Variants in CDC73 observed in about 807,000 individuals in gnomAD.
CDC73 encodes parafibromin.
CDC73 carries 21 observed loss-of-function variants against 83.7 expected under a neutral mutation model. The observed-to-expected ratio is 0.25, with a 90% CI of 0.18 to 0.36. The LOEUF is 0.36. Among genes scored for constraint, CDC73 ranks in the 10% least tolerant of loss-of-function variants. The probability of loss-of-function intolerance (pLI) is 1.00; values close to 1 mark genes in which losing one functional copy is unlikely to be tolerated. For missense variants in CDC73, 342 were observed against 653.3 expected, an observed-to-expected ratio of 0.52 and a Z score of 5.19; for synonymous variants, 224 against 212.9, an observed-to-expected ratio of 1.05 and a Z score of -0.45.
chr1:193,137,861 G>A (rs549306400), intron 5 of CDC73, among the ~76,000 whole-genome samples: 32 of 152,258 alleles, frequency 2.1e-4, no homozygotes, highest in African/African-American at 7.7e-4. Context: ...AAGTAGCTAA[G>A]CAAGTTTTTC....
intron 13 of CDC73, among the ~76,000 whole-genome samples, 153 bp downstream of exon 13, chr1:193,212,630 A>G (rs1392463875): frequency 6.6e-6 from 1 of 152,200 alleles, no homozygotes; most frequent in African/African-American, 2.4e-5. Context: ...CATTTTCAAA[A>G]CAGAATATAT....
intron 10 of CDC73, among the ~76,000 whole-genome samples, chr1:193,171,493 C>T (rs1034066262): frequency 1.3e-5 from 2 of 152,136 alleles, no homozygotes; most frequent in Admixed American, 6.5e-5. Flanking sequence ...ACTGAGGTCC[C>T]TGATTGTTTG....
intron 11 of CDC73, among the ~76,000 whole-genome samples, chr1:193,209,147 A>G (rs72740234): frequency 0.019 from 2,841 of 152,348 alleles, 41 homozygotes; most frequent in Middle Eastern, 0.061. Context: ...ATGCTTGTAC[A>G]TAGGCTCCAA....
rs778475172 is a variant in CDC73, at chr1:193,212,350, CTAA to C, written c.1067-34_1067-32del. 3 of 1,194,628 alleles carry C rather than the reference CTAA, an allele frequency of 2.5e-6. No homozygotes were observed. In the South Asian group the frequency reaches 4.2e-5, roughly 17 times the overall value. 74.0% of individuals were successfully genotyped at this position (1,194,628 alleles called of 1,614,324 possible). ...TTAGTAGAGAAAGTAAGTATAATTT[CTAA>C]TAATATATTTTCTACCTGTAAATTT... On this transcript the variant is annotated intron_variant, in intron 12 of 16. Coordinates refer to ENST00000367435, the MANE Select transcript of CDC73 (RefSeq NM_024529.5).
chr1:193,238,061 T>A (rs1009889129), intron 15 of CDC73, among the ~76,000 whole-genome samples: 2 of 152,230 alleles, frequency 1.3e-5, no homozygotes, highest in Non-Finnish European at 2.9e-5. Flanking sequence ...CTTTAAGATA[T>A]AAATGTTGTA....
rs1572160228 is a variant in CDC73 at position 193,150,246 on chromosome 1, A to G, written c.829-58A>G. On this transcript the variant is annotated intron_variant, in intron 8 of 16. Transcript: ENST00000367435. ...TGGTCATGCTACTGCACTCCAGCACATTAAATAAGTGACATTTAAAAATAT... is the reference window on the plus strand; with the variant it reads ...TGGTCATGCTACTGCACTCCAGCACGTTAAATAAGTGACATTTAAAAATAT... 13 of 1,263,172 alleles carry G rather than the reference A, an allele frequency of 1.0e-5. No homozygotes were observed. The East Asian group carries it at 2.4e-4, about 23-fold the overall frequency. The allele number at this position is 1,263,172 out of a possible 1,614,324, so 78.2% of individuals were successfully genotyped here.
intron 10 of CDC73, among the ~76,000 whole-genome samples, chr1:193,156,252 A>G (rs778275754): frequency 3.9e-5 from 6 of 152,092 alleles, no homozygotes; most frequent in Admixed American, 2.0e-4. Context: ...CTTCATTTTA[A>G]CCTGTCTAGC....
chr1:193,243,357 C>G (rs903994973), intron 15 of CDC73, among the ~76,000 whole-genome samples: 3 of 152,116 alleles, frequency 2.0e-5, no homozygotes, highest in African/African-American at 7.2e-5. Context: ...TTGCTTCATG[C>G]GAATAAAGTA....
At chr1:193,130,527 T>C (rs542721524) in intron 3 of CDC73, among the ~76,000 whole-genome samples, 1 of 152,366 alleles carries the variant, frequency 6.6e-6, no homozygotes, top group South Asian at 2.1e-4. Context: ...TCTACTTTCT[T>C]CTGGATCATT....
chr1:193,172,440 A>G (rs1162553742), intron 10 of CDC73, among the ~76,000 whole-genome samples: 1 of 152,130 alleles, frequency 6.6e-6, no homozygotes, highest in Non-Finnish European at 1.5e-5. Context: ...TAAATAGATT[A>G]GGGAAGAAGA....
Position 193,183,943 on chromosome 1 carries a change from T to G in CDC73, c.973-19852T>G, listed in dbSNP as rs1299125617. ...TGGATGTTTGAGTTAAAGGACTGAG[T>G]AAATAAATGATGGAAAATAATCATA... On this transcript the variant is annotated intron_variant, in intron 10 of 16. Transcript: ENST00000367435. Among the ~76,000 whole-genome samples the G allele has an allele frequency of 1.3e-5, 2 of 151,872 alleles. 1 individual carries two copies. The highest frequency in any genetic ancestry group is 2.9e-5 in the Non-Finnish European group (2 of 67,798).
intron 15 of CDC73, among the ~76,000 whole-genome samples, chr1:193,243,711 A>T (rs1016147147): frequency 6.6e-6 from 1 of 152,172 alleles, no homozygotes; most frequent in African/African-American, 2.4e-5. Context: ...CATGAATACT[A>T]CTTTGAAAGT....
At chr1:193,128,947 C>G (rs912512679) in intron 2 of CDC73, among the ~76,000 whole-genome samples, 2 of 150,702 alleles carry the variant, frequency 1.3e-5, no homozygotes, top group Non-Finnish European at 2.9e-5. Flanking sequence ...TCGCCTCAGT[C>G]TCCTGAGTAG....
intron 10 of CDC73, among the ~76,000 whole-genome samples, chr1:193,162,293 AT>A (rs2103142539): frequency 7.9e-6 from 1 of 126,170 alleles, no homozygotes; most frequent in East Asian, 2.1e-4. Flanking sequence ...TATATGATAT[AT>A]TATATATACT....
intron 10 of CDC73, among the ~76,000 whole-genome samples, chr1:193,163,163 G>T (rs989519268): frequency 6.6e-6 from 1 of 151,032 alleles, no homozygotes; most frequent in African/African-American, 2.5e-5. Context: ...GTGTGTGTGT[G>T]TGTGTGTGTG....
rs1678078561 is a variant in CDC73 at position 193,253,592 on chromosome 1, T to G, written c.*2880T>G. Reference sequence around the variant, plus strand: ...CATTATTAACTAGTATTATAGTTTGTTTTTTTCCCATGTCTCCATAACTTT... The same window carrying G: ...CATTATTAACTAGTATTATAGTTTGGTTTTTTCCCATGTCTCCATAACTTT... On this transcript the variant is annotated 3_prime_UTR_variant, in exon 17 of 17. Coordinates refer to ENST00000367435, the MANE Select transcript of CDC73 (RefSeq NM_024529.5). 2 of 231,810 alleles carry G rather than the reference T, an allele frequency of 8.6e-6. No individual in the cohort carries two copies. Among genetic ancestry groups the G allele is most frequent in the Non-Finnish European group, 8.5e-6 (1 of 117,192 alleles). The allele number at this position is 231,810 out of a possible 1,614,324, so 14.4% of individuals were successfully genotyped here. A position where few individuals can be genotyped will look rare whatever the true frequency, so the allele number is the denominator to read the frequency against.
intron 8 of CDC73, among the ~76,000 whole-genome samples, chr1:193,148,362 T>G (rs1211534423): frequency 6.6e-6 from 1 of 152,176 alleles, no homozygotes; most frequent in Admixed American, 6.5e-5. Flanking sequence ...GTGAATGTAT[T>G]TCTCTTGATC....
chr1:193,150,951 A>G (rs1348478826), intron 9 of CDC73, among the ~76,000 whole-genome samples: 3 of 152,216 alleles, frequency 2.0e-5, no homozygotes, highest in Non-Finnish European at 4.4e-5. Context: ...AATTTAAAGT[A>G]GAGATTCTAT....
intron 13 of CDC73, among the ~76,000 whole-genome samples, chr1:193,228,854 G>A (rs1284343423): frequency 6.6e-6 from 1 of 152,104 alleles, no homozygotes; most frequent in Non-Finnish European, 1.5e-5. Flanking sequence ...CCAGCCACAT[G>A]CTGGGAGAAA....
Sources: allele counts gnomAD v4.1 joint callset (sites outside exome capture counted in the v4.1 genomes callset), GRCh38; gene constraint gnomAD v4.1.1; transcripts MANE v1.5; gene names NCBI Gene and HGNC (gene_info 2026-07-23, HGNC 2026-07-21).